The following MRPL48 variants were observed in gnomAD, a reference collection of about 807,000 sequenced individuals.
The protein encoded by MRPL48 is large ribosomal subunit protein mL48.
Under a neutral mutation model 32.9 loss-of-function variants are expected in MRPL48, and 16 were observed. The ratio of observed to expected loss-of-function variants is 0.49; its 90% CI spans 0.33 to 0.74. MRPL48 has a LOEUF of 0.74. Ranked by LOEUF, MRPL48 falls within the 30% of genes least tolerant of loss-of-function variation. MRPL48 has a pLI of 0.02. For missense variants in MRPL48, 206 were observed against 245.3 expected, an observed-to-expected ratio of 0.84 and a Z score of 1.07; for synonymous variants, 94 against 89.2, an observed-to-expected ratio of 1.05 and a Z score of -0.31.
intron 1 of MRPL48, among the ~76,000 whole-genome samples, chr11:73,802,580 C>T (rs1947379205): frequency 6.6e-6 from 1 of 152,112 alleles, no homozygotes; most frequent in South Asian, 2.1e-4. Context: ...ATATTTGGTC[C>T]TTTGTGACTG....
chr11:73,808,544 G>A (rs1365338284), intron 3 of MRPL48, among the ~76,000 whole-genome samples, 194 bp downstream of exon 3: 2 of 152,230 alleles, frequency 1.3e-5, no homozygotes, highest in African/African-American at 4.8e-5. Flanking sequence ...GAGCTCTACA[G>A]TAAGTTTGGA....
At chr11:73,862,884 G>A (rs1301718885) in intron 6 of MRPL48, among the ~76,000 whole-genome samples, 3 of 151,512 alleles carry the variant, frequency 2.0e-5, no homozygotes, top group Non-Finnish European at 4.4e-5. Context: ...GTTCTACTGC[G>A]CTCCAGCCTG....
Position 73,844,854 on chromosome 11 carries a change from G to C in MRPL48, c.249G>C (p.Gly83=), listed in dbSNP as rs1296233841. ...TGGAAGTGAGAGCCATTAATTTGGG[G>C]ACAGATTATGAATATGGGGTTTTAA... is the stretch of plus-strand genomic sequence containing the variant. ...GKVEVRAINL[G]TDYEYGVLNI... Residue 83 remains glycine (G), a synonymous_variant, in exon 5 of 8, where the codon GGG becomes GGC. Transcript: ENST00000310614. 1.9e-6 allele frequency: 3 copies of C among 1,613,778 alleles called. No individual in the cohort carries two copies. The highest frequency in any genetic ancestry group is 2.5e-6 in the Non-Finnish European group (3 of 1,179,838).
intron 3 of MRPL48, among the ~76,000 whole-genome samples, chr11:73,810,585 G>A (rs1169852885): frequency 1.4e-5 from 2 of 147,190 alleles, no homozygotes; most frequent in Non-Finnish European, 1.5e-5. Flanking sequence ...TGTAATTTAA[G>A]TTCTGGGTTA....
At chr11:73,837,653 A>C (rs1948127067) in intron 4 of MRPL48, among the ~76,000 whole-genome samples, 1 of 152,154 alleles carries the variant, frequency 6.6e-6, no homozygotes, top group Non-Finnish European at 1.5e-5. Flanking sequence ...CAAGGACCTA[A>C]GAATGACAAT....
At chr11:73,836,279 C>T (rs1948100866) in intron 4 of MRPL48, among the ~76,000 whole-genome samples, 1 of 151,988 alleles carries the variant, frequency 6.6e-6, no homozygotes, top group Admixed American at 6.6e-5. Flanking sequence ...GCTGCAACCT[C>T]CACCTCCTGG....
chr11:73,809,346 T>G (rs1006386776), intron 3 of MRPL48, among the ~76,000 whole-genome samples: 5 of 151,352 alleles, frequency 3.3e-5, no homozygotes, highest in Admixed American at 2.0e-4. Flanking sequence ...CTACTAAAAA[T>G]ACAAAAAATT....
In MRPL48 at chr11:73,854,451, T is replaced by A. The variant is rs999144699; in HGVS notation, c.372-5456T>A. On this transcript the variant is annotated intron_variant, in intron 5 of 7. Transcript: ENST00000310614. ...GGCACCCGCCACCACCACACCTGGC[T>A]AATTTTTGTATTTTTAGTACAGATG... is the stretch of plus-strand genomic sequence containing the variant. 1.5e-4 allele frequency among the ~76,000 whole-genome samples: 23 copies of A among 152,286 alleles called. No individual in the cohort carries two copies. In the South Asian group the frequency reaches 2.1e-3, roughly 14 times the overall value.
At chr11:73,839,934 T>C (rs1948160464) in intron 4 of MRPL48, among the ~76,000 whole-genome samples, 1 of 151,644 alleles carries the variant, frequency 6.6e-6, no homozygotes, top group Non-Finnish European at 1.5e-5. Context: ...TCCATCTCTA[T>C]GAAAAATTTT....
chr11:73,792,982 G>C (rs1947178902), intron 1 of MRPL48, among the ~76,000 whole-genome samples: 1 of 152,216 alleles, frequency 6.6e-6, no homozygotes, highest in Non-Finnish European at 1.5e-5. Context: ...TTGATCAGCA[G>C]ATATTTATTG....
intron 1 of MRPL48, among the ~76,000 whole-genome samples, chr11:73,795,283 G>A (rs995419373): frequency 4.6e-5 from 7 of 151,606 alleles, no homozygotes; most frequent in Non-Finnish European, 7.4e-5. Context: ...GGCTGGTCTC[G>A]AACACCTGGC....
At chr11:73,797,899 T>C (rs1947287982) in intron 1 of MRPL48, among the ~76,000 whole-genome samples, 1 of 152,116 alleles carries the variant, frequency 6.6e-6, no homozygotes, top group East Asian at 1.9e-4. Flanking sequence ...CAGCTGACTT[T>C]CCAAGGACTG....
In MRPL48 at chr11:73,787,909, G is replaced by A. The variant is rs1167402054; in HGVS notation, c.-63G>A. On this transcript the variant is annotated 5_prime_UTR_variant, in exon 1 of 8. Coordinates refer to ENST00000310614, the MANE Select transcript of MRPL48 (RefSeq NM_016055.6). ...TTCCTTCAGTGTTTTCAGACGCCCT[G>A]GGAACGCGGCTGCAGGGTCCGGTCT... 7.5e-6 allele frequency: 12 copies of A among 1,593,752 alleles called. No homozygotes were observed. The highest frequency in any genetic ancestry group is 6.8e-6 in the Non-Finnish European group (8 of 1,168,178).
At chr11:73,834,936 A>AT (rs1034900365) in intron 4 of MRPL48, among the ~76,000 whole-genome samples, 16 of 151,468 alleles carry the variant, frequency 1.1e-4, no homozygotes, top group African/African-American at 3.6e-4. Flanking sequence ...AGTTTAAGCG[A>AT]TCCCCCAGCC....
chr11:73,804,332 A>G (rs1289790790), intron 1 of MRPL48, among the ~76,000 whole-genome samples: 1 of 151,470 alleles, frequency 6.6e-6, no homozygotes, highest in Non-Finnish European at 1.5e-5. Flanking sequence ...GCTGGAGTGC[A>G]GTGGCGCAAT....
rs532884294 is a variant in MRPL48 at position 73,814,555 on chromosome 11, C to A, written c.112+6205C>A. Reference sequence around the variant, plus strand: ...ACTAAAAATACAAAAATTAGCCAGGCATGGTGATGCATGCCTGTAATCCCA... The same window carrying A: ...ACTAAAAATACAAAAATTAGCCAGGAATGGTGATGCATGCCTGTAATCCCA... On this transcript the variant is annotated intron_variant, in intron 3 of 7. Transcript: ENST00000310614. 4.6e-5 allele frequency among the ~76,000 whole-genome samples: 7 copies of A among 151,772 alleles called. No homozygotes were observed. The South Asian group carries it at 1.5e-3, about 32-fold the overall frequency.
intron 5 of MRPL48, among the ~76,000 whole-genome samples, chr11:73,852,678 A>G (rs949832485): frequency 6.6e-6 from 1 of 152,182 alleles, no homozygotes. Context: ...CATTATGGAG[A>G]ACAGTTTGGA....
At chr11:73,796,910 C>T (rs1333021777) in intron 1 of MRPL48, among the ~76,000 whole-genome samples, 1 of 152,010 alleles carries the variant, frequency 6.6e-6, no homozygotes, top group Non-Finnish European at 1.5e-5. Context: ...ACTAAAAATA[C>T]AAAAAAATTA....
intron 5 of MRPL48, 47 bp from the exon 6 acceptor site, chr11:73,859,860 G>C: frequency 2.0e-6 from 3 of 1,519,438 alleles, no homozygotes; most frequent in Admixed American, 1.7e-5. Context: ...TGAAGTGGCT[G>C]CTGGCTTCAG....
Sources: allele counts gnomAD v4.1 joint callset (sites outside exome capture counted in the v4.1 genomes callset), GRCh38; gene constraint gnomAD v4.1.1; transcripts MANE v1.5; gene names NCBI Gene and HGNC (gene_info 2026-07-23, HGNC 2026-07-21).